Variants in SHROOM3 observed in about 807,000 individuals in gnomAD.
SHROOM3 encodes shroom family member 3.
Under a neutral mutation model 138.6 loss-of-function variants are expected in SHROOM3, and 47 were observed. That is an observed-to-expected ratio of 0.34 (90% CI 0.27 to 0.43). The LOEUF (loss-of-function observed/expected upper bound fraction) is 0.43, where lower values mean the gene tolerates loss of function less well. SHROOM3 is among the 20% of genes least tolerant of loss of function. The pLI, the probability that SHROOM3 is intolerant of heterozygous loss-of-function variation, is 1.00. For missense variants in SHROOM3, 2,491 were observed against 2,596.5 expected (o/e 0.96, Z 0.88); for synonymous variants, 1,062 against 1,063.3 (o/e 1.00, Z 0.02).
At chr4:76,675,584 G>A (rs976122235) in intron 2 of SHROOM3, among the ~76,000 whole-genome samples, 5 of 152,152 alleles carry the variant, frequency 3.3e-5, no homozygotes, top group South Asian at 2.1e-4. Context: ...GAGGCCAGGC[G>A]CGATGGCTGA....
At chr4:76,539,872 G>T (rs996445796) in intron 1 of SHROOM3, among the ~76,000 whole-genome samples, 1 of 152,166 alleles carries the variant, frequency 6.6e-6, no homozygotes, top group Non-Finnish European at 1.5e-5. Flanking sequence ...CTCTGAGATG[G>T]AGTTTCGCTC....
At chr4:76,486,810 A>AAGGTCTACTGTGT (rs1283816730) in intron 1 of SHROOM3, among the ~76,000 whole-genome samples, 7 of 152,194 alleles carry the variant, frequency 4.6e-5, no homozygotes, top group Admixed American at 3.9e-4. Flanking sequence ...GTGAAGGACA[A>AAGGTCTACTGTGT]AGGTCTACTG....
chr4:76,722,021 C>G (rs1720568469), intron 3 of SHROOM3, among the ~76,000 whole-genome samples: 1 of 152,050 alleles, frequency 6.6e-6, no homozygotes, highest in Non-Finnish European at 1.5e-5. Context: ...ATAGTCCTAG[C>G]TACTTAGGAG....
intron 1 of SHROOM3, among the ~76,000 whole-genome samples, chr4:76,527,562 C>T (rs954711108): frequency 2.0e-5 from 3 of 152,128 alleles, no homozygotes; most frequent in African/African-American, 7.2e-5. Context: ...CAGCCTGTAA[C>T]GTTTCAGGAG....
At chr4:76,683,468 CTCA>C (rs1047683822) in intron 2 of SHROOM3, among the ~76,000 whole-genome samples, 3 of 152,102 alleles carry the variant, frequency 2.0e-5, no homozygotes, top group African/African-American at 7.2e-5. Flanking sequence ...GCGAATTTCC[CTCA>C]TTCTTTCCCC....
intron 1 of SHROOM3, among the ~76,000 whole-genome samples, chr4:76,450,084 A>G (rs1365225936): frequency 6.6e-6 from 1 of 152,222 alleles, no homozygotes; most frequent in Non-Finnish European, 1.5e-5. Flanking sequence ...TGCCGAACAC[A>G]TTCATGCCTG....
chr4:76,742,150 TTCTC>T (rs2110135701), intron 5 of SHROOM3: 1 of 641,010 alleles, frequency 1.6e-6, no homozygotes, highest in Non-Finnish European at 2.8e-6. Flanking sequence ...GTTATACAGA[TTCTC>T]TATCTATCTG....
chr4:76,673,550 G>A (rs1439920585), intron 2 of SHROOM3, among the ~76,000 whole-genome samples: 4 of 152,134 alleles, frequency 2.6e-5, no homozygotes, highest in South Asian at 2.1e-4. Flanking sequence ...AAAGCCAAGG[G>A]TGGAGGAGTG....
intron 4 of SHROOM3, among the ~76,000 whole-genome samples, chr4:76,735,886 T>A (rs1368109065): frequency 6.8e-5 from 8 of 118,206 alleles, no homozygotes; most frequent in Middle Eastern, 4.7e-3. Flanking sequence ...TATATATATA[T>A]ATATATATAT....
At chr4:76,717,478 A>C (rs984699269) in intron 3 of SHROOM3, among the ~76,000 whole-genome samples, 2 of 151,916 alleles carry the variant, frequency 1.3e-5, no homozygotes, top group African/African-American at 2.4e-5. Flanking sequence ...CATTACGTCT[A>C]TGTTACACCT....
chr4:76,699,569 TA>T (rs1477596706), intron 2 of SHROOM3, among the ~76,000 whole-genome samples: 1 of 152,212 alleles, frequency 6.6e-6, no homozygotes, highest in East Asian at 1.9e-4. Flanking sequence ...ATAGGGTATG[TA>T]TATATGGCCT....
intron 2 of SHROOM3, among the ~76,000 whole-genome samples, chr4:76,581,725 C>T (rs891908242): frequency 2.0e-5 from 3 of 152,142 alleles, no homozygotes; most frequent in African/African-American, 7.2e-5. Flanking sequence ...TGAAAATGGG[C>T]TATAAGGGAG....
rs140976531 is a variant in SHROOM3, at chr4:76,489,314, A to C, written c.168+53094A>C. Among the ~76,000 whole-genome samples, 8 of 152,326 alleles carry C rather than the reference A, an allele frequency of 5.3e-5. No individual in the cohort carries two copies. The East Asian group carries it at 1.5e-3, about 29-fold the overall frequency. On this transcript the variant is annotated intron_variant, in intron 1 of 10. Coordinates refer to ENST00000296043, the MANE Select transcript of SHROOM3 (RefSeq NM_020859.4). ...GGTGGCTGGTTCATAGAAACTGACA[A>C]AGAAGTCAAATTAAGAGCAGTTAAA... is the stretch of plus-strand genomic sequence containing the variant.
chr4:76,771,034 A>T, intron 10 of SHROOM3, 136 bp downstream of exon 10: 1 of 1,152,652 alleles, frequency 8.7e-7, no homozygotes, highest in African/African-American at 1.5e-5. Flanking sequence ...ATACATGTAT[A>T]GGTAACCAAG....
chr4:76,703,212 C>T (rs1034488934), intron 2 of SHROOM3, among the ~76,000 whole-genome samples: 3 of 152,006 alleles, frequency 2.0e-5, no homozygotes, highest in Non-Finnish European at 4.4e-5. Context: ...CAGGAGGAGG[C>T]TTTAAGTACA....
chr4:76,668,123 G>T (rs2110096496), intron 2 of SHROOM3, among the ~76,000 whole-genome samples: 1 of 152,140 alleles, frequency 6.6e-6, no homozygotes, highest in Non-Finnish European at 1.5e-5. Flanking sequence ...TGAGGACCTG[G>T]TACCTCTTCT....
chr4:76,594,729 C>T (rs574386940), intron 2 of SHROOM3, among the ~76,000 whole-genome samples: 18 of 152,128 alleles, frequency 1.2e-4, no homozygotes, highest in East Asian at 1.9e-4. Flanking sequence ...ACCATTGGAA[C>T]GCCATGAATT....
At chr4:76,678,965 C>A (rs141693312) in intron 2 of SHROOM3, among the ~76,000 whole-genome samples, 118 of 152,190 alleles carry the variant, frequency 7.8e-4, no homozygotes, top group Middle Eastern at 3.4e-3. Context: ...CCCAGCCGAG[C>A]AATTTTTTTT....
intron 2 of SHROOM3, among the ~76,000 whole-genome samples, chr4:76,691,142 A>G (rs895346453): frequency 6.6e-6 from 1 of 152,172 alleles, no homozygotes; most frequent in African/African-American, 2.4e-5. Flanking sequence ...TCATATGGTT[A>G]ATATGTTTAT....
Sources: allele counts gnomAD v4.1 joint callset (sites outside exome capture counted in the v4.1 genomes callset), GRCh38; gene constraint gnomAD v4.1.1; transcripts MANE v1.5; gene names NCBI Gene and HGNC (gene_info 2026-07-23, HGNC 2026-07-21).